The following CACNA1A variants were observed in gnomAD, a reference collection of about 807,000 sequenced individuals.
The protein encoded by CACNA1A is calcium voltage-gated channel subunit alpha1 A, also known as voltage-dependent P/Q-type calcium channel subunit alpha-1A.
CACNA1A carries 57 observed loss-of-function variants against 262.4 expected under a neutral mutation model. The observed-to-expected ratio is 0.22, with a 90% confidence interval of 0.18 to 0.27. CACNA1A has a LOEUF of 0.27. Ranked by LOEUF, CACNA1A falls within the 10% of genes least tolerant of loss-of-function variation. The probability of loss-of-function intolerance (pLI) is 1.00; values close to 1 mark genes in which losing one functional copy is unlikely to be tolerated. For synonymous variants in CACNA1A, 1,431 were observed against 1,419.3 expected (o/e 1.01, Z -0.18); for missense variants, 2,526 against 3,562.8 (o/e 0.71, Z 7.41).
chr19:13,487,923 G>A (rs543769854), intron 1 of CACNA1A, among the ~76,000 whole-genome samples: 3 of 151,564 alleles, frequency 2.0e-5, no homozygotes, highest in Admixed American at 6.6e-5. Flanking sequence ...CCCCCACCTC[G>A]GCCTCCCAAG....
intron 3 of CACNA1A, among the ~76,000 whole-genome samples, chr19:13,403,688 C>T (rs2059950589): frequency 6.6e-6 from 1 of 152,108 alleles, no homozygotes; most frequent in African/African-American, 2.4e-5. Flanking sequence ...GTAATCCCAG[C>T]ATGTTGGAAG....
At chr19:13,346,339 T>C (rs1034426003) in intron 6 of CACNA1A, among the ~76,000 whole-genome samples, 1 of 151,996 alleles carries the variant, frequency 6.6e-6, no homozygotes, top group African/African-American at 2.4e-5. Flanking sequence ...CACTGGCTGT[T>C]CCATCTACCT....
chr19:13,367,746 G>A (rs2059242725), intron 4 of CACNA1A, among the ~76,000 whole-genome samples: 1 of 151,904 alleles, frequency 6.6e-6, no homozygotes, highest in Non-Finnish European at 1.5e-5. Context: ...AGAAGGCAGG[G>A]AACAGTCCCC....
chr19:13,311,862 T>TA (rs938407895), intron 12 of CACNA1A, among the ~76,000 whole-genome samples: 14 of 151,032 alleles, frequency 9.3e-5, no homozygotes, highest in African/African-American at 3.2e-4. Context: ...AAACAAAAAA[T>TA]AAAAAAAAAT....
intron 1 of CACNA1A, among the ~76,000 whole-genome samples, chr19:13,456,757 T>A (rs1033574695): frequency 6.6e-6 from 1 of 152,110 alleles, no homozygotes; most frequent in Non-Finnish European, 1.5e-5. Context: ...GAGGCTGGAA[T>A]AGACATTTCT....
At chr19:13,459,841 T>G (rs10421810) in intron 1 of CACNA1A, among the ~76,000 whole-genome samples, 20,537 of 152,094 alleles carry the variant, frequency 0.14, 1,772 homozygotes, top group East Asian at 0.35. Context: ...GTCCCAGAAG[T>G]CCACCATGCA....
chr19:13,287,056 A>C (rs565967572), intron 19 of CACNA1A, 90 bp from the exon 20 acceptor site: 2 of 1,139,354 alleles, frequency 1.8e-6, no homozygotes, highest in Non-Finnish European at 2.5e-6. Flanking sequence ...TCCATCTTTC[A>C]AGAGTACAAT....
At chr19:13,281,005 C>T (rs536533231) in intron 22 of CACNA1A, among the ~76,000 whole-genome samples, 2 of 150,682 alleles carry the variant, frequency 1.3e-5, no homozygotes, top group South Asian at 2.1e-4. Flanking sequence ...TCATTTAATG[C>T]GAAGCATAGA....
chr19:13,414,348 T>C (rs936502350), intron 3 of CACNA1A, among the ~76,000 whole-genome samples: 6 of 151,998 alleles, frequency 3.9e-5, no homozygotes, highest in African/African-American at 1.4e-4. Context: ...CAGAGTAAGC[T>C]GTGATTGCGC....
intron 4 of CACNA1A, among the ~76,000 whole-genome samples, chr19:13,367,331 G>C (rs531310073): frequency 1.3e-5 from 2 of 148,158 alleles, no homozygotes; most frequent in East Asian, 3.9e-4. Context: ...GCAGAACTAG[G>C]ATTTGAACCC....
intron 1 of CACNA1A, among the ~76,000 whole-genome samples, chr19:13,482,152 C>A (rs116367889): frequency 6.6e-6 from 1 of 152,078 alleles, no homozygotes. Context: ...AACTAAGAAC[C>A]AATAACCATC....
intron 10 of CACNA1A, among the ~76,000 whole-genome samples, chr19:13,324,783 A>C (rs1420415981): frequency 6.6e-6 from 1 of 152,134 alleles, no homozygotes; most frequent in African/African-American, 2.4e-5. Flanking sequence ...CTAAGCTGGG[A>C]GGATCGCCTG....
chr19:13,231,660 A>C (rs1189139567), intron 35 of CACNA1A, 50 bp downstream of exon 35: 1 of 1,571,462 alleles, frequency 6.4e-7, no homozygotes, highest in East Asian at 2.3e-5. Flanking sequence ...CCCTGAAAGG[A>C]AGCCAGGCTT....
chr19:13,328,153 C>T (rs1481363591), intron 10 of CACNA1A, among the ~76,000 whole-genome samples: 1 of 152,204 alleles, frequency 6.6e-6, no homozygotes, highest in Non-Finnish European at 1.5e-5. Flanking sequence ...GATCCTCCTG[C>T]ACTGGCCTCC....
chr19:13,257,324 A>G, intron 28 of CACNA1A, 26 bp downstream of exon 28: 1 of 1,594,208 alleles, frequency 6.3e-7, no homozygotes, highest in South Asian at 1.1e-5. Context: ...CAGTTTTTAA[A>G]GGACAGATGG....
chr19:13,234,031 C>G (rs1324081624), intron 34 of CACNA1A, among the ~76,000 whole-genome samples: 1 of 123,250 alleles, frequency 8.1e-6, no homozygotes, highest in East Asian at 2.4e-4. Flanking sequence ...GCCTGGGCAA[C>G]AGAGAGAGAC....
chr19:13,338,571 C>T (rs1168774575), intron 6 of CACNA1A, among the ~76,000 whole-genome samples: 1 of 116,474 alleles, frequency 8.6e-6, no homozygotes, highest in Non-Finnish European at 1.9e-5. Flanking sequence ...ATGAACAATG[C>T]CACAGGTCAC....
At position 13,327,242 on chromosome 19, in the gene CACNA1A, G is replaced by A. The variant is rs780059097; in HGVS notation, c.1345+3002C>T. ...AAATGTGATTCCTTGCCAGAATCCT[G>A]GAATTCCAGAGATCTCTTTTGGGGT... On this transcript the variant is annotated intron_variant, in intron 10 of 46. Coordinates refer to ENST00000360228, the MANE Select transcript of CACNA1A (RefSeq NM_001127222.2). Among the ~76,000 whole-genome samples the A allele has an allele frequency of 7.2e-5, 11 of 152,168 alleles. No homozygotes were observed. The East Asian group carries it at 1.6e-3, about 21-fold the overall frequency.
intron 3 of CACNA1A, chr19:13,451,750 G>C (rs142849682): frequency 6.6e-6 from 1 of 152,230 alleles, no homozygotes. Flanking sequence ...CAAGCATGGA[G>C]TTATTGGATG....
Sources: allele counts gnomAD v4.1 joint callset (sites outside exome capture counted in the v4.1 genomes callset), GRCh38; gene constraint gnomAD v4.1.1; transcripts MANE v1.5; gene names NCBI Gene and HGNC (gene_info 2026-07-23, HGNC 2026-07-21).